The following AMDHD1 variants were observed in gnomAD, a reference collection of about 807,000 sequenced individuals.
The protein encoded by AMDHD1 is probable imidazolonepropionase.
AMDHD1 carries 45 observed loss-of-function variants against 44.1 expected under a neutral mutation model. The ratio of observed to expected loss-of-function variants is 1.02; its 90% CI spans 0.80 to 1.31. The LOEUF is 1.31. Ranked by LOEUF, AMDHD1 falls within the 50% of genes most tolerant of loss-of-function variation. The probability of loss-of-function intolerance (pLI) is 0.00; values close to 1 mark genes in which losing one functional copy is unlikely to be tolerated. For synonymous variants in AMDHD1, 206 were observed against 205.0 expected, an observed-to-expected ratio of 1.00 and a Z score of -0.04; for missense variants, 586 against 552.1, an observed-to-expected ratio of 1.06 and a Z score of -0.61.
intron 4 of AMDHD1, among the ~76,000 whole-genome samples, chr12:95,958,123 A>G (rs2080562127): frequency 6.6e-6 from 1 of 152,108 alleles, no homozygotes; most frequent in African/African-American, 2.4e-5. Flanking sequence ...GTTTTAAAAT[A>G]TGTATACCTT....
Position 95,956,862 on chromosome 12 carries a change from C to G in AMDHD1, c.487C>G (p.Leu163Val), listed in dbSNP as rs1448406794. ...GTGCAAGAGTGGATATGGCCTCGAC[C>G]TGGAGACCGAGCTCAAGATGCTGCG... ...VECKSGYGLDLETELKMLRVI... is the reference protein window; with the variant it reads ...VECKSGYGLDVETELKMLRVI... Residue 163 changes from leucine (L) to valine (V), a missense_variant, in exon 4 of 9, where the codon CTG (leucine) becomes GTG (valine). By Grantham distance (32) the Leu-to-Val change is conservative. Coordinates refer to ENST00000266736, the MANE Select transcript of AMDHD1 (RefSeq NM_152435.3). 1.9e-6 allele frequency: 3 copies of G among 1,614,074 alleles called. No homozygotes were observed. Among genetic ancestry groups the G allele is most frequent in the Non-Finnish European group, 1.7e-6 (2 of 1,180,054 alleles).
intron 2 of AMDHD1, among the ~76,000 whole-genome samples, chr12:95,953,877 G>A (rs932469133): frequency 2.6e-5 from 4 of 152,116 alleles, no homozygotes; most frequent in African/African-American, 4.8e-5. Context: ...CACCACGCCC[G>A]GCCTTCCTTA....
chr12:95,959,633 A>G (rs966622027), intron 4 of AMDHD1, among the ~76,000 whole-genome samples: 5 of 151,940 alleles, frequency 3.3e-5, no homozygotes, highest in African/African-American at 2.4e-5. Context: ...CCATACCCCC[A>G]GATAGTGAGA....
In AMDHD1 at chr12:95,960,415, A is replaced by G. The variant is rs1464744944; in HGVS notation, c.605A>G (p.Glu202Gly). The G allele has an allele frequency of 6.2e-7, 1 of 1,613,840 alleles. No individual in the cohort carries two copies. The highest frequency in any genetic ancestry group is 8.5e-7 in the Non-Finnish European group (1 of 1,180,012). The change falls in exon 5 of 9, where the codon GAA becomes GGA. Residue 202 changes from glutamate (E) to glycine (G), a missense_variant. Transcript: ENST00000266736. ...HSVPKGKTAT[E>G]AADDIINNHL... ...TTCCCCAGAGGAAAAACTGCTACTG[A>G]AGCTGCTGATGACATCATCAATAAC...
chr12:95,960,193 C>G (rs1265868875), intron 4 of AMDHD1, among the ~76,000 whole-genome samples: 1 of 152,166 alleles, frequency 6.6e-6, no homozygotes, highest in Admixed American at 6.5e-5. Context: ...TCAGTGCATA[C>G]AGAAGTCTTG....
At chr12:95,945,261 A>T (rs2080490048) in intron 1 of AMDHD1, among the ~76,000 whole-genome samples, 1 of 152,140 alleles carries the variant, frequency 6.6e-6, no homozygotes, top group South Asian at 2.1e-4. Context: ...GAGGGAGCTG[A>T]CTTGTGGTCT....
At chr12:95,955,921 TG>T (rs1427479695) in intron 3 of AMDHD1, among the ~76,000 whole-genome samples, 1 of 152,190 alleles carries the variant, frequency 6.6e-6, no homozygotes, top group Non-Finnish European at 1.5e-5. Context: ...GGAAACTTCC[TG>T]GGGCCGCTTT....
chr12:95,960,723 T>C (rs2080577367), intron 5 of AMDHD1, 100 bp downstream of exon 5: 2 of 1,209,178 alleles, frequency 1.7e-6, no homozygotes, highest in Non-Finnish European at 1.2e-6. Flanking sequence ...TGAAAAGATA[T>C]TGAATGGGGA....
intron 1 of AMDHD1, among the ~76,000 whole-genome samples, chr12:95,946,334 A>C (rs1191951811): frequency 1.3e-5 from 2 of 152,170 alleles, no homozygotes; most frequent in African/African-American, 4.8e-5. Flanking sequence ...CCTTCCTAGA[A>C]GCCAATTAAA....
intron 4 of AMDHD1, among the ~76,000 whole-genome samples, chr12:95,957,330 A>AAG (rs1458474916): frequency 6.6e-6 from 1 of 152,212 alleles, no homozygotes; most frequent in Non-Finnish European, 1.5e-5. Flanking sequence ...GAGGTAGCTC[A>AAG]AACCTTGTGG....
chr12:95,957,466 C>T (rs1326669935), intron 4 of AMDHD1, among the ~76,000 whole-genome samples: 1 of 152,052 alleles, frequency 6.6e-6, no homozygotes, highest in Non-Finnish European at 1.5e-5. Context: ...CCTACATGGC[C>T]TTACTGTAGA....
rs114402965 is a variant in AMDHD1 at position 95,949,870 on chromosome 12, G to A, written c.138-2847G>A. ...TGCCCTCATTATGTCCTCAACAAAG[G>A]AACATAAGCCTTTGTTCAAACATAG... On this transcript the variant is annotated intron_variant, in intron 1 of 8. Transcript: ENST00000266736. 7.4e-3 allele frequency among the ~76,000 whole-genome samples: 1,134 copies of A among 152,222 alleles called. 11 individuals are homozygous for A. Among genetic ancestry groups the A allele is most frequent in the African/African-American group, 0.026 (1,080 of 41,532 alleles).
At position 95,956,945 on chromosome 12, in the gene AMDHD1, G is replaced by A; in HGVS notation, c.570G>A (p.Gly190=). 3 of 1,612,300 alleles carry A rather than the reference G, an allele frequency of 1.9e-6. No individual in the cohort carries two copies. Among genetic ancestry groups the A allele is most frequent in the Middle Eastern group, 4.3e-4 (2 of 4,646 alleles). Residue 190 remains glycine, a synonymous_variant, in exon 4 of 9, where the codon GGG becomes GGA. Transcript: ENST00000266736. ...TCGGCATCTCGGCTACCTACTGCGG[G>A]GCTCATTCAGTGCCTAAGTAATCTC... ...LDIGISATYC[G]AHSVPKGKTA...
rs1409308324 is a variant in AMDHD1 at position 95,956,973 on chromosome 12, C to G, written c.587+11C>G. The G allele has an allele frequency of 1.2e-6, 2 of 1,611,294 alleles. No individual in the cohort carries two copies. Among genetic ancestry groups the G allele is most frequent in the African/African-American group, 1.3e-5 (1 of 74,868 alleles). ...TCATTCAGTGCCTAAGTAATCTCAG[C>G]CAGTGGGGGCCCGGGTTTAACTCAG... On this transcript the variant is annotated intron_variant, in intron 4 of 8. Coordinates refer to ENST00000266736, the MANE Select transcript of AMDHD1 (RefSeq NM_152435.3).
chr12:95,946,061 C>CTCTCTGTG (rs1403742643), intron 1 of AMDHD1, among the ~76,000 whole-genome samples: 3 of 122,486 alleles, frequency 2.4e-5, no homozygotes, highest in African/African-American at 8.0e-5. Context: ...CTCTTTCTCT[C>CTCTCTGTG]TGTGTGTGTG....
At chr12:95,964,332 T>C (rs1226415047) in intron 6 of AMDHD1, among the ~76,000 whole-genome samples, 1 of 152,190 alleles carries the variant, frequency 6.6e-6, no homozygotes, top group East Asian at 1.9e-4. Flanking sequence ...AACCCTCTCT[T>C]GACTCTCATT....
At chr12:95,950,258 A>G (rs1172011464) in intron 1 of AMDHD1, among the ~76,000 whole-genome samples, 1 of 152,134 alleles carries the variant, frequency 6.6e-6, no homozygotes, top group Non-Finnish European at 1.5e-5. Flanking sequence ...CTATTTCAAG[A>G]CTTAATTTCT....
intron 8 of AMDHD1, among the ~76,000 whole-genome samples, chr12:95,967,246 A>G (rs769947907): frequency 1.3e-5 from 2 of 152,248 alleles, no homozygotes; most frequent in African/African-American, 2.4e-5. Context: ...ACCCACTCCC[A>G]TGATTCAATT....
chr12:95,949,140 T>TAAAAAAAAAAAAAAAAAAA (rs1170844527), intron 1 of AMDHD1, among the ~76,000 whole-genome samples: 27 of 4,404 alleles, frequency 6.1e-3, no homozygotes, highest in Non-Finnish European at 6.7e-3. Context: ...AAAAATAAAT[T>TAAAAAAAAAAAAAAAAAAA]AAAAAAAAAA....
Sources: allele counts gnomAD v4.1 joint callset (sites outside exome capture counted in the v4.1 genomes callset), GRCh38; gene constraint gnomAD v4.1.1; transcripts MANE v1.5; gene names NCBI Gene and HGNC (gene_info 2026-07-23, HGNC 2026-07-21).